Variants in ITK observed in about 807,000 individuals in gnomAD.
ITK encodes the protein IL2 inducible T cell kinase.
In ITK, 45 loss-of-function variants were observed where a neutral mutation model predicts 87.6. The observed-to-expected ratio is 0.51, with a 90% CI of 0.40 to 0.66. The LOEUF is 0.66. Ranked by LOEUF, ITK falls within the 30% of genes least tolerant of loss-of-function variation. The pLI, the probability that ITK is intolerant of heterozygous loss-of-function variation, is 0.00. For missense variants in ITK, 605 were observed against 766.3 expected, an observed-to-expected ratio of 0.79 and a Z score of 2.48; for synonymous variants, 303 against 273.6, an observed-to-expected ratio of 1.11 and a Z score of -1.06.
Position 157,188,147 on chromosome 5 carries a change from A to G in ITK, c.138+7032A>G, listed in dbSNP as rs570378535. On this transcript the variant is annotated intron_variant, in intron 1 of 16. Coordinates refer to ENST00000422843, the MANE Select transcript of ITK (RefSeq NM_005546.4). ...CTACCCAGGCATTTTTACTTGTGAC[A>G]TTGAGCAGTCATGGGCTCTCTTCTC... 2.0e-5 allele frequency among the ~76,000 whole-genome samples: 3 copies of G among 152,226 alleles called. No individual in the cohort carries two copies. The East Asian group carries it at 5.8e-4, about 29-fold the overall frequency.
chr5:157,199,646 A>C (rs1753923737), intron 1 of ITK: 1 of 152,210 alleles, frequency 6.6e-6, no homozygotes, highest in African/African-American at 2.4e-5. Flanking sequence ...GGAGTCATAG[A>C]GTGGAGCTTG....
At position 157,180,970 on chromosome 5, in the gene ITK, A is replaced by G. The variant is rs1196168844; in HGVS notation, c.-8A>G. ...GCCCAAGGTGCACCACCTTTCAAGAACTGGATCATGAACAACTTTATCCTC... is the reference window on the plus strand; with the variant it reads ...GCCCAAGGTGCACCACCTTTCAAGAGCTGGATCATGAACAACTTTATCCTC... On this transcript the variant is annotated 5_prime_UTR_variant, in exon 1 of 17. Transcript: ENST00000422843. The G allele has an allele frequency of 2.5e-6, 4 of 1,613,748 alleles. No individual in the cohort carries two copies. The East Asian group carries it at 8.9e-5, about 36-fold the overall frequency.
Position 157,243,674 on chromosome 5 carries a change from G to T in ITK, c.1112G>T (p.Ser371Ile). ...SELTFVQEIG[S>I]GQFGLVHLGY... ...CTCACTTTTGTGCAAGAGATTGGCA[G>T]TGGGCAATTTGGGTTGGTGCATCTG... Residue 371 changes from serine to isoleucine, a missense_variant, in exon 12 of 17, where the codon AGT (serine) becomes ATT (isoleucine). Physicochemically the swap from Ser to Ile is moderately radical, Grantham distance 142. Coordinates refer to ENST00000422843, the MANE Select transcript of ITK (RefSeq NM_005546.4). 1 of 1,613,664 alleles carries T rather than the reference G, an allele frequency of 6.2e-7. No homozygotes were observed. The highest frequency in any genetic ancestry group is 1.1e-5 in the South Asian group (1 of 91,046).
chr5:157,215,431 G>A (rs1754279966), intron 4 of ITK, among the ~76,000 whole-genome samples: 1 of 152,022 alleles, frequency 6.6e-6, no homozygotes, highest in East Asian at 1.9e-4. Flanking sequence ...GCACCTTGGG[G>A]AAAAAAGCTC....
Position 157,238,180 on chromosome 5 carries a change from G to A in ITK, c.840G>A (p.Lys280=), listed in dbSNP as rs1327548886. The A allele has an allele frequency of 3.1e-6, 5 of 1,613,224 alleles. No individual in the cohort carries two copies. Among genetic ancestry groups the A allele is most frequent in the Non-Finnish European group, 3.4e-6 (4 of 1,179,278 alleles). ...AGTYTVSVFT[K]AVVSENNPCI... is the part of the protein sequence containing the mutation. ...CATACACCGTGTCTGTTTTCACCAA[G>A]GCTGTTGTAAGGTATGGAGCTAACT... The change falls in exon 9 of 17, where the codon AAG becomes AAA. Residue 280 remains lysine (K), a synonymous_variant. Transcript: ENST00000422843.
intron 9 of ITK, among the ~76,000 whole-genome samples, chr5:157,239,116 A>G (rs374702319): frequency 6.6e-6 from 1 of 152,148 alleles, no homozygotes. Flanking sequence ...CCCCACAGGT[A>G]TGACGGAGAA....
intron 1 of ITK, among the ~76,000 whole-genome samples, chr5:157,202,014 G>A (rs943824078): frequency 6.6e-6 from 1 of 152,050 alleles, no homozygotes; most frequent in African/African-American, 2.4e-5. Flanking sequence ...GCCGGTATCT[G>A]TGGTGCCCTT....
At chr5:157,230,620 T>C (rs1754631442) in intron 7 of ITK, among the ~76,000 whole-genome samples, 1 of 152,218 alleles carries the variant, frequency 6.6e-6, no homozygotes, top group African/African-American at 2.4e-5. Flanking sequence ...ATAGGGTATA[T>C]GCTTAAATAA....
intron 7 of ITK, among the ~76,000 whole-genome samples, chr5:157,229,560 CA>C (rs35984430): frequency 0.026 from 3,916 of 150,568 alleles, 73 homozygotes; most frequent in Non-Finnish European, 0.039. Flanking sequence ...CTGGGCTCTT[CA>C]AAAAAAAATG....
At chr5:157,202,155 A>G (rs1753989360) in intron 1 of ITK, among the ~76,000 whole-genome samples, 2 of 152,162 alleles carry the variant, frequency 1.3e-5, no homozygotes, top group Non-Finnish European at 1.5e-5. Context: ...AAAGGACACA[A>G]TCTCATACTT....
At chr5:157,224,563 T>A (rs1411217002) in intron 6 of ITK, among the ~76,000 whole-genome samples, 3 of 152,156 alleles carry the variant, frequency 2.0e-5, no homozygotes. Context: ...GCTGATCACC[T>A]GAGGTCAGGA....
intron 1 of ITK, among the ~76,000 whole-genome samples, chr5:157,192,930 C>T (rs532301001): frequency 6.6e-6 from 1 of 152,274 alleles, no homozygotes; most frequent in South Asian, 2.1e-4. Context: ...TCTTCCAGTT[C>T]AAAAACATGG....
chr5:157,208,541 A>G (rs1260942347), intron 1 of ITK, among the ~76,000 whole-genome samples: 1 of 152,194 alleles, frequency 6.6e-6, no homozygotes, highest in Admixed American at 6.5e-5. Context: ...AGACACAGAG[A>G]AGAGAAAATT....
intron 2 of ITK, 50 bp from the exon 3 acceptor site, chr5:157,211,237 A>T: frequency 6.7e-7 from 1 of 1,497,232 alleles, no homozygotes; most frequent in Non-Finnish European, 9.3e-7. Context: ...CTGTCAGTCA[A>T]CTATCTCCAT....
chr5:157,185,682 C>CAA (rs397831582), intron 1 of ITK, among the ~76,000 whole-genome samples: 126 of 84,724 alleles, frequency 1.5e-3, no homozygotes, highest in Middle Eastern at 6.3e-3. Context: ...TCCGTCTCCA[C>CAA]AAAAAAAAAA....
intron 1 of ITK, chr5:157,195,638 T>C (rs937176782): frequency 6.6e-6 from 1 of 152,248 alleles, no homozygotes; most frequent in African/African-American, 2.4e-5. Context: ...TTCTTATAAG[T>C]TCTTCCAATA....
chr5:157,245,771 T>A lies in ITK; in HGVS notation c.1495T>A (p.Ser499Thr). 2 of 1,614,150 alleles carry A rather than the reference T, an allele frequency of 1.2e-6. No individual in the cohort carries two copies. Among genetic ancestry groups the A allele is most frequent in the African/African-American group, 1.3e-5 (1 of 75,040 alleles). The stretch of plus-strand genomic sequence containing the variant: ...GGGAGAAAACCAAGTCATCAAGGTG[T>A]CTGACTTTGGGATGACAAGGTAAAA... ...LVGENQVIKVSDFGMTRFVLD... is the reference protein window; with the variant it reads ...LVGENQVIKVTDFGMTRFVLD... The change falls in exon 14 of 17, where the codon TCT (serine) becomes ACT (threonine). Residue 499 changes from serine to threonine, a missense_variant. By Grantham distance (58) the Ser-to-Thr change is moderately conservative. Transcript: ENST00000422843.
At position 157,231,293 on chromosome 5, in the gene ITK, C is replaced by G. The variant is rs549514578; in HGVS notation, c.714-1047C>G. Among the ~76,000 whole-genome samples, 81 of 152,332 alleles carry G rather than the reference C, an allele frequency of 5.3e-4. 1 individual carries two copies. The South Asian group carries it at 0.014, about 26-fold the overall frequency. On this transcript the variant is annotated intron_variant, in intron 7 of 16. Transcript: ENST00000422843. The stretch of plus-strand genomic sequence containing the variant: ...GCATTCCCTTCCCATGCACTGAACT[C>G]AGGCAGACATCACCCTTTGATAGTG...
intron 16 of ITK, among the ~76,000 whole-genome samples, chr5:157,251,248 A>C (rs886935275): frequency 3.9e-5 from 6 of 152,232 alleles, no homozygotes; most frequent in African/African-American, 1.4e-4. Flanking sequence ...TTTCCTAATG[A>C]CATATGATGT....
Sources: allele counts gnomAD v4.1 joint callset (sites outside exome capture counted in the v4.1 genomes callset), GRCh38; gene constraint gnomAD v4.1.1; transcripts MANE v1.5; gene names NCBI Gene and HGNC (gene_info 2026-07-23, HGNC 2026-07-21).